RNF144B: variants seen among roughly 807,000 people sequenced by gnomAD.
RNF144B encodes the protein E3 ubiquitin-protein ligase RNF144B.
In RNF144B, 25 loss-of-function variants were observed where a neutral mutation model predicts 40.2. The observed-to-expected ratio is 0.62, with a 90% CI of 0.45 to 0.87. RNF144B has a LOEUF of 0.87. RNF144B is among the 40% of genes least tolerant of loss of function. The probability of loss-of-function intolerance (pLI) is 0.00; values close to 1 mark genes in which losing one functional copy is unlikely to be tolerated. For synonymous variants in RNF144B, 145 were observed against 136.3 expected, an observed-to-expected ratio of 1.06 and a Z score of -0.44; for missense variants, 365 against 373.7, an observed-to-expected ratio of 0.98 and a Z score of 0.19.
At chr6:18,388,739 G>T (rs1794519353) in intron 1 of RNF144B, among the ~76,000 whole-genome samples, 1 of 151,878 alleles carries the variant, frequency 6.6e-6, no homozygotes, top group Non-Finnish European at 1.5e-5. Flanking sequence ...GTAGATAATT[G>T]TATTATGAAA....
At position 18,468,626 on chromosome 6, in the gene RNF144B, C is replaced by G. The variant is rs923062307; in HGVS notation, c.*3559C>G. The G allele has an allele frequency of 3.3e-5, 5 of 152,124 alleles. No homozygotes were observed. The allele number at this position is 152,124 out of a possible 1,614,324, so 9.4% of individuals were successfully genotyped here. On this transcript the variant is annotated 3_prime_UTR_variant, in exon 8 of 8. Coordinates refer to ENST00000259939, the MANE Select transcript of RNF144B (RefSeq NM_182757.4). ...TTTTCTTTCTGTTCATGAATGGATG[C>G]CTTTATGTGATATAGAGTCATGTGT...
rs1177295240 is a variant in RNF144B at position 18,418,849 on chromosome 6, G to T, written c.166-8732G>T. 6.6e-6 allele frequency among the ~76,000 whole-genome samples: 1 copy of T among 151,766 alleles called. No individual in the cohort carries two copies. The highest frequency in any genetic ancestry group is 1.9e-4 in the East Asian group (1 of 5,190). ...TATATATAATATACACTGACACCTG[G>T]ATCCTTCTCTTAGAGAGTCTGAATT... On this transcript the variant is annotated intron_variant, in intron 2 of 7. Transcript: ENST00000259939. This position sits in a 1 kb window ranked among gnomAD's most constrained non-coding sequence, Gnocchi z 5.2.
At chr6:18,429,345 T>G (rs1758640947) in intron 3 of RNF144B, among the ~76,000 whole-genome samples, 1 of 74,788 alleles carries the variant, frequency 1.3e-5, no homozygotes, top group African/African-American at 3.1e-5. Flanking sequence ...CTGTACATGC[T>G]TTGTTTATGA....
At position 18,458,018 on chromosome 6, in the gene RNF144B, A is replaced by T. The variant is rs947763976; in HGVS notation, c.536+659A>T. Among the ~76,000 whole-genome samples, 1 of 152,006 alleles carries T rather than the reference A, an allele frequency of 6.6e-6. No individual in the cohort carries two copies. Among genetic ancestry groups the T allele is most frequent in the African/African-American group, 2.4e-5 (1 of 41,376 alleles). ...AGTGGCACGATCTCGGCTCACTGCA[A>T]CCACTGCCTCCTGGGTTCAAGCGAT... On this transcript the variant is annotated intron_variant, in intron 5 of 7. Coordinates refer to ENST00000259939, the MANE Select transcript of RNF144B (RefSeq NM_182757.4). The surrounding 1 kb of genome is among the most constrained non-coding windows in gnomAD (Gnocchi z 4.8).
rs1485263030 is a variant in RNF144B, at chr6:18,395,283, G to A, written c.-36-4216G>A. Among the ~76,000 whole-genome samples the A allele has an allele frequency of 2.0e-5, 3 of 152,184 alleles. No individual in the cohort carries two copies. The highest frequency in any genetic ancestry group is 7.2e-5 in the African/African-American group (3 of 41,440). On this transcript the variant is annotated intron_variant, in intron 1 of 7. Transcript: ENST00000259939. The surrounding 1 kb of genome is among the most constrained non-coding windows in gnomAD (Gnocchi z 4.5). ...TCTTGAAACCTGGAGGGGAGTGGAT[G>A]TGAATTGCTTGTGCCCCTGTGAAGT...
chr6:18,411,716 G>GCTC (rs895592959), intron 2 of RNF144B, among the ~76,000 whole-genome samples: 1 of 151,418 alleles, frequency 6.6e-6, no homozygotes, highest in African/African-American at 2.4e-5. Flanking sequence ...CTGGTCTCGA[G>GCTC]CTCCTGACCT....
intron 4 of RNF144B, among the ~76,000 whole-genome samples, chr6:18,453,097 T>A (rs1200679081): frequency 2.0e-5 from 3 of 151,134 alleles, no homozygotes; most frequent in Non-Finnish European, 4.4e-5. Flanking sequence ...TATATATACA[T>A]GTTTTTATAA....
At position 18,410,385 on chromosome 6, in the gene RNF144B, A is replaced by G. The variant is rs1187858891; in HGVS notation, c.165+10686A>G. On this transcript the variant is annotated intron_variant, in intron 2 of 7. Coordinates refer to ENST00000259939, the MANE Select transcript of RNF144B (RefSeq NM_182757.4). This position sits in a 1 kb window ranked among gnomAD's most constrained non-coding sequence, Gnocchi z 4.6. The stretch of plus-strand genomic sequence containing the variant: ...CAGTAGACCCTCTGATAAAGGAAGT[A>G]CAATATGTTATAAAGCATACAGAAA... Among the ~76,000 whole-genome samples, 1 of 152,166 alleles carries G rather than the reference A, an allele frequency of 6.6e-6. No individual in the cohort carries two copies. Among genetic ancestry groups the G allele is most frequent in the Non-Finnish European group, 1.5e-5 (1 of 68,026 alleles).
In RNF144B at chr6:18,412,901, A is replaced by G. The variant is rs983543924; in HGVS notation, c.165+13202A>G. On this transcript the variant is annotated intron_variant, in intron 2 of 7. Coordinates refer to ENST00000259939, the MANE Select transcript of RNF144B (RefSeq NM_182757.4). This position sits in a 1 kb window ranked among gnomAD's most constrained non-coding sequence, Gnocchi z 4.2. Reference sequence around the variant, plus strand: ...CTCTTCTGGAAAATATGTGTGAGGTATTTACTACATGAATGTAGGGTATTT... The same window carrying G: ...CTCTTCTGGAAAATATGTGTGAGGTGTTTACTACATGAATGTAGGGTATTT... 2.4e-4 allele frequency among the ~76,000 whole-genome samples: 37 copies of G among 152,246 alleles called. No homozygotes were observed. Among genetic ancestry groups the G allele is most frequent in the African/African-American group, 7.7e-4 (32 of 41,540 alleles).
chr6:18,465,227 C>T lies in RNF144B; in HGVS notation c.*160C>T. On this transcript the variant is annotated 3_prime_UTR_variant, in exon 8 of 8. Coordinates refer to ENST00000259939, the MANE Select transcript of RNF144B (RefSeq NM_182757.4). ...TGCCAGCCTTCAGCATCAGGAAAGG[C>T]CAAGTCCTGGGTGTGAGTGTTCCTG... 1 of 679,066 alleles carries T rather than the reference C, an allele frequency of 1.5e-6. No individual in the cohort carries two copies. The highest frequency in any genetic ancestry group is 2.7e-5 in the East Asian group (1 of 36,710). 42.1% of individuals were successfully genotyped at this position (679,066 alleles called of 1,614,324 possible).
chr6:18,413,296 T>C (rs950944394), intron 2 of RNF144B, among the ~76,000 whole-genome samples: 3 of 152,250 alleles, frequency 2.0e-5, no homozygotes, highest in African/African-American at 7.2e-5. Flanking sequence ...CAATAGCCTA[T>C]AAAATGCAAA....
rs1180353566 is a variant in RNF144B at position 18,412,554 on chromosome 6, T to C, written c.165+12855T>C. Among the ~76,000 whole-genome samples, 1 of 88,618 alleles carries C rather than the reference T, an allele frequency of 1.1e-5. No individual in the cohort carries two copies. Among genetic ancestry groups the C allele is most frequent in the Non-Finnish European group, 2.8e-5 (1 of 35,262 alleles). 58.1% of individuals were successfully genotyped at this position (88,618 alleles called of 152,430 possible). On this transcript the variant is annotated intron_variant, in intron 2 of 7. Transcript: ENST00000259939. The surrounding 1 kb of genome is among the most constrained non-coding windows in gnomAD (Gnocchi z 4.2). ...TGTTCAGACTGAGGGAGATGCCTTA[T>C]CACACAAAAAAATTCATGTCCAGTG... is the stretch of plus-strand genomic sequence containing the variant.
Position 18,460,665 on chromosome 6 carries a change from G to A in RNF144B, c.681+914G>A, listed in dbSNP as rs929260613. Among the ~76,000 whole-genome samples the A allele has an allele frequency of 3.3e-5, 5 of 151,942 alleles. No individual in the cohort carries two copies. The highest frequency in any genetic ancestry group is 6.6e-5 in the Admixed American group (1 of 15,250). ...TTGTTCATGAGCATGCAGCAGTATC[G>A]CTACTGTTTTGACAGTGTTCCCTTC... is the stretch of plus-strand genomic sequence containing the variant. On this transcript the variant is annotated intron_variant, in intron 6 of 7. Transcript: ENST00000259939. The surrounding 1 kb of genome is among the most constrained non-coding windows in gnomAD (Gnocchi z 4.4).
chr6:18,408,938 G>GT (rs3078245), intron 2 of RNF144B, among the ~76,000 whole-genome samples: 11,406 of 143,562 alleles, frequency 0.079, 657 homozygotes, highest in East Asian at 0.19. Context: ...CCAGAAAAGT[G>GT]TTTTTTTTTT....
At chr6:18,409,207 G>C (rs1217210637) in intron 2 of RNF144B, among the ~76,000 whole-genome samples, 1 of 151,664 alleles carries the variant, frequency 6.6e-6, no homozygotes, top group Admixed American at 6.6e-5. Context: ...GTGAGACCCT[G>C]TCTTTACTGA....
intron 2 of RNF144B, among the ~76,000 whole-genome samples, chr6:18,411,964 A>G (rs1312114509): frequency 6.6e-6 from 1 of 152,184 alleles, no homozygotes; most frequent in African/African-American, 2.4e-5. Flanking sequence ...TAAGTATTGT[A>G]TAGTGTTCTA....
In RNF144B at chr6:18,458,125, A is replaced by G. The variant is rs143998652; in HGVS notation, c.536+766A>G. Among the ~76,000 whole-genome samples the G allele has an allele frequency of 6.6e-6, 1 of 152,078 alleles. No homozygotes were observed. The highest frequency in any genetic ancestry group is 1.9e-4 in the East Asian group (1 of 5,182). Reference sequence around the variant, plus strand: ...GCTAATTTTTCTATTTTTAGTAGAGATGGGGTTTCACCATATTGGCCAGGC... The same window carrying G: ...GCTAATTTTTCTATTTTTAGTAGAGGTGGGGTTTCACCATATTGGCCAGGC... On this transcript the variant is annotated intron_variant, in intron 5 of 7. Transcript: ENST00000259939. This position sits in a 1 kb window ranked among gnomAD's most constrained non-coding sequence, Gnocchi z 4.8.
intron 4 of RNF144B, among the ~76,000 whole-genome samples, chr6:18,452,373 TAG>T (rs1185853084): frequency 1.3e-5 from 2 of 152,096 alleles, no homozygotes; most frequent in Non-Finnish European, 2.9e-5. Context: ...ATGTGCACAA[TAG>T]AAGGTAGTTC....
chr6:18,419,713 GGGATT>G lies in RNF144B; in HGVS notation c.166-7865_166-7861del, dbSNP rs1397175560. ...TTGAGTGGCAGGGAGGAGTTGGGATGGGATTGGTGAAGGAGTGAGGGAAGACAACT... is the reference window on the plus strand; with the variant it reads ...TTGAGTGGCAGGGAGGAGTTGGGATGGGTGAAGGAGTGAGGGAAGACAACT... On this transcript the variant is annotated intron_variant, in intron 2 of 7. Transcript: ENST00000259939. The surrounding 1 kb of genome is among the most constrained non-coding windows in gnomAD (Gnocchi z 4.6). 6.6e-6 allele frequency among the ~76,000 whole-genome samples: 1 copy of G among 151,940 alleles called. No individual in the cohort carries two copies. The highest frequency in any genetic ancestry group is 1.5e-5 in the Non-Finnish European group (1 of 67,980).
Sources: allele counts gnomAD v4.1 joint callset (sites outside exome capture counted in the v4.1 genomes callset), GRCh38; gene constraint gnomAD v4.1.1; non-coding constraint Gnocchi (gnomAD v3.1); transcripts MANE v1.5; gene names NCBI Gene and HGNC (gene_info 2026-07-23, HGNC 2026-07-21).